PTPN13: variants seen among roughly 807,000 people sequenced by gnomAD.
The protein encoded by PTPN13 is tyrosine-protein phosphatase non-receptor type 13.
PTPN13 carries 191 observed loss-of-function variants against 284.0 expected under a neutral mutation model. The ratio of observed to expected loss-of-function variants is 0.67; its 90% confidence interval spans 0.60 to 0.76. PTPN13 has a LOEUF of 0.76. Ranked by LOEUF, PTPN13 falls within the 30% of genes least tolerant of loss-of-function variation. The pLI, the probability that PTPN13 is intolerant of heterozygous loss-of-function variation, is 0.00. For synonymous variants in PTPN13, 986 were observed against 1,022.3 expected (o/e 0.96, Z 0.68); for missense variants, 2,797 against 2,939.9 (o/e 0.95, Z 1.12).
intron 1 of PTPN13, among the ~76,000 whole-genome samples, chr4:86,632,127 G>A (rs1343739469): frequency 6.6e-6 from 1 of 151,886 alleles, no homozygotes; most frequent in Non-Finnish European, 1.5e-5. Flanking sequence ...CTTGCCCTTT[G>A]GTAATACTAA....
At chr4:86,775,693 G>C in intron 35 of PTPN13, 41 bp downstream of exon 35, 1 of 1,426,652 alleles carries the variant, frequency 7.0e-7, no homozygotes, top group East Asian at 2.3e-5. Context: ...GTGCGTGTGT[G>C]TGCATTTCAG....
intron 23 of PTPN13, among the ~76,000 whole-genome samples, chr4:86,761,518 T>C (rs571328291): frequency 3.3e-5 from 5 of 152,302 alleles, no homozygotes; most frequent in African/African-American, 1.2e-4. Context: ...CAAAAAGTTT[T>C]ACCAATTTAT....
chr4:86,609,164 C>CTT (rs1765048872), intron 1 of PTPN13, among the ~76,000 whole-genome samples: 1 of 152,170 alleles, frequency 6.6e-6, no homozygotes, highest in Non-Finnish European at 1.5e-5. Context: ...CCTCAACTGG[C>CTT]TGTCTTCACA....
At position 86,637,206 on chromosome 4, in the gene PTPN13, G is replaced by C. The variant is rs1307738461; in HGVS notation, c.115+1835G>C. On this transcript the variant is annotated intron_variant, in intron 2 of 47. Transcript: ENST00000411767. ...TAATCAGTAGCTTACCAACCAAAAA[G>C]AGTCCAGGACCAGATGGATTCACAG... Among the ~76,000 whole-genome samples the C allele has an allele frequency of 2.6e-5, 4 of 151,890 alleles. No homozygotes were observed. In the South Asian group the frequency reaches 8.3e-4, roughly 32 times the overall value.
rs1740142454 is a variant in PTPN13 at position 86,772,694 on chromosome 4, T to G, written c.5169-84T>G. ...ATCAAAATCAGACATGAATATTTGT[T>G]AAGTGTTTTCTGTTTCTGGCACAAA... On this transcript the variant is annotated intron_variant, in intron 31 of 47. Transcript: ENST00000411767. 3.3e-5 allele frequency: 37 copies of G among 1,107,648 alleles called. 1 individual carries two copies. In the South Asian group the frequency reaches 5.8e-4, roughly 17 times the overall value. 68.6% of individuals were successfully genotyped at this position (1,107,648 alleles called of 1,614,324 possible).
At chr4:86,805,650 CATTA>C (rs1744570835) in intron 44 of PTPN13, among the ~76,000 whole-genome samples, 1 of 152,126 alleles carries the variant, frequency 6.6e-6, no homozygotes, top group South Asian at 2.1e-4. Context: ...GATGCCAAAT[CATTA>C]ATTTTAAAAT....
At chr4:86,663,351 G>A (rs1205837598) in intron 2 of PTPN13, among the ~76,000 whole-genome samples, 1 of 152,254 alleles carries the variant, frequency 6.6e-6, no homozygotes, top group African/African-American at 2.4e-5. Context: ...AGTGGATGAA[G>A]TTGAGAGTAT....
At chr4:86,800,490 A>AG (rs1743891082) in intron 42 of PTPN13, among the ~76,000 whole-genome samples, 1 of 152,064 alleles carries the variant, frequency 6.6e-6, no homozygotes. Flanking sequence ...CGTCTCTTCT[A>AG]AAAATACAAA....
intron 16 of PTPN13, among the ~76,000 whole-genome samples, chr4:86,744,156 C>G (rs1464351399): frequency 6.6e-6 from 1 of 152,166 alleles, no homozygotes; most frequent in Non-Finnish European, 1.5e-5. Flanking sequence ...TTTTATCTCT[C>G]AACCCAGCAG....
At chr4:86,754,172 G>T (rs1361429143) in intron 20 of PTPN13, among the ~76,000 whole-genome samples, 1 of 151,960 alleles carries the variant, frequency 6.6e-6, no homozygotes, top group African/African-American at 2.4e-5. Context: ...TCAAGATGAG[G>T]TTTCTTTCCT....
intron 9 of PTPN13, among the ~76,000 whole-genome samples, chr4:86,720,994 A>G (rs774411146): frequency 2.0e-5 from 3 of 152,042 alleles, no homozygotes; most frequent in Non-Finnish European, 4.4e-5. Context: ...AAGTAAGTTT[A>G]TACGTAGTAC....
intron 1 of PTPN13, among the ~76,000 whole-genome samples, chr4:86,629,708 T>C (rs1022024025): frequency 3.3e-5 from 5 of 152,164 alleles, no homozygotes; most frequent in Admixed American, 6.6e-5. Flanking sequence ...GAAAAGCTTA[T>C]TGAAAATTAT....
chr4:86,760,023 AGAT>A (rs1738484220), intron 23 of PTPN13, among the ~76,000 whole-genome samples: 1 of 152,228 alleles, frequency 6.6e-6, no homozygotes, highest in South Asian at 2.1e-4. Flanking sequence ...ATAAAATAGA[AGAT>A]GAAAAACATG....
At chr4:86,738,772 C>T (rs754785985) in intron 15 of PTPN13, among the ~76,000 whole-genome samples, 2 of 152,092 alleles carry the variant, frequency 1.3e-5, no homozygotes, top group Non-Finnish European at 2.9e-5. Context: ...CCTCCACCTC[C>T]CAGGCTCAAG....
intron 3 of PTPN13, among the ~76,000 whole-genome samples, chr4:86,676,352 G>A (rs1209110477): frequency 1.3e-5 from 2 of 152,170 alleles, no homozygotes; most frequent in African/African-American, 2.4e-5. Flanking sequence ...CAAAAGAACA[G>A]GATATAACAA....
At chr4:86,692,342 T>C (rs1201708268) in intron 5 of PTPN13, among the ~76,000 whole-genome samples, 1 of 152,192 alleles carries the variant, frequency 6.6e-6, no homozygotes, top group African/African-American at 2.4e-5. Context: ...CAGAAATACT[T>C]CCATTTACAA....
intron 3 of PTPN13, among the ~76,000 whole-genome samples, chr4:86,683,857 T>C (rs1158749749): frequency 2.0e-5 from 3 of 152,302 alleles, no homozygotes; most frequent in East Asian, 1.9e-4. Flanking sequence ...ATTAATATAA[T>C]TGAGCATGCA....
chr4:86,632,618 A>G (rs960364837), intron 1 of PTPN13, among the ~76,000 whole-genome samples: 1 of 151,562 alleles, frequency 6.6e-6, no homozygotes, highest in Non-Finnish European at 1.5e-5. Flanking sequence ...AAATAATTCT[A>G]ATTTGAATCC....
intron 12 of PTPN13, among the ~76,000 whole-genome samples, chr4:86,733,675 C>T (rs1274906401): frequency 6.6e-6 from 1 of 152,102 alleles, no homozygotes; most frequent in Non-Finnish European, 1.5e-5. Flanking sequence ...ATATTGTCTA[C>T]ATGAAGCTGA....
Sources: gnomAD v4.1 joint callset for allele counts (sites outside exome capture counted in the v4.1 genomes callset) on GRCh38, gnomAD v4.1.1 for gene constraint, MANE v1.5 for transcripts, NCBI Gene and HGNC (gene_info 2026-07-23, HGNC 2026-07-21) for gene names.